SLC47A2: variants seen among roughly 807,000 people sequenced by gnomAD.
The protein encoded by SLC47A2 is solute carrier family 47 member 2.
Under a neutral mutation model 67.7 loss-of-function variants are expected in SLC47A2, and 52 were observed. That is an observed-to-expected ratio of 0.77 (90% CI 0.61 to 0.97). The LOEUF is 0.97. SLC47A2 is among the 50% of genes least tolerant of loss of function. The probability of loss-of-function intolerance (pLI) is 0.00; values close to 1 mark genes in which losing one functional copy is unlikely to be tolerated. For missense variants in SLC47A2, 676 were observed against 712.3 expected, an observed-to-expected ratio of 0.95 and a Z score of 0.58; for synonymous variants, 278 against 292.9, an observed-to-expected ratio of 0.95 and a Z score of 0.52.
At chr17:19,690,375 G>A (rs2085513872) in intron 13 of SLC47A2, among the ~76,000 whole-genome samples, 1 of 152,086 alleles carries the variant, frequency 6.6e-6, no homozygotes, top group African/African-American at 2.4e-5. Flanking sequence ...AAGATTTCTT[G>A]AATAATACCC....
chr17:19,680,155 T>C (rs2085282476), intron 15 of SLC47A2, 116 bp from the exon 16 acceptor site: 2 of 946,932 alleles, frequency 2.1e-6, no homozygotes, highest in African/African-American at 3.3e-5. Context: ...CATATATGCA[T>C]GTATTCATAG....
Position 19,685,391 on chromosome 17 carries a change from G to C in SLC47A2, c.1165-3721C>G, listed in dbSNP as rs2152340261. 1.3e-5 allele frequency among the ~76,000 whole-genome samples: 2 copies of C among 152,176 alleles called. No individual in the cohort carries two copies. The highest frequency in any genetic ancestry group is 1.3e-4 in the Admixed American group (2 of 15,292). On this transcript the variant is annotated intron_variant, in intron 13 of 16. Coordinates refer to ENST00000433844, the MANE Select transcript of SLC47A2 (RefSeq NM_001099646.3). The surrounding 1 kb of genome is among the most constrained non-coding windows in gnomAD (Gnocchi z 4.5). ...TCTGCCTGGCTGCCACCACGTCTAG[G>C]AAGTGAGGAGCGTCTCTGCCTGGCC...
chr17:19,706,246 ACAAGG>A (rs2152353218), intron 9 of SLC47A2, among the ~76,000 whole-genome samples: 1 of 152,344 alleles, frequency 6.6e-6, no homozygotes, highest in South Asian at 2.1e-4. Context: ...ATGAGCACAC[ACAAGG>A]CAGCAGGTGG....
In SLC47A2 at chr17:19,716,567, G is replaced by A. The variant is rs1176873108; in HGVS notation, c.-12C>T. Reference sequence around the variant, plus strand: ...TGGAGGCTGTCCATTCCTGGCCGGGGCACTGGCTACCCTGCACGCCTGAGC... The same window carrying A: ...TGGAGGCTGTCCATTCCTGGCCGGGACACTGGCTACCCTGCACGCCTGAGC... On this transcript the variant is annotated 5_prime_UTR_variant, in exon 1 of 17. Coordinates refer to ENST00000433844, the MANE Select transcript of SLC47A2 (RefSeq NM_001099646.3). 1 of 1,593,610 alleles carries A rather than the reference G, an allele frequency of 6.3e-7. No individual in the cohort carries two copies. The highest frequency in any genetic ancestry group is 8.5e-7 in the Non-Finnish European group (1 of 1,171,226).
chr17:19,706,885 G>A, intron 8 of SLC47A2, 124 bp from the exon 9 acceptor site: 1 of 661,122 alleles, frequency 1.5e-6, no homozygotes, highest in Non-Finnish European at 2.5e-6. Flanking sequence ...GCAGGCTCAG[G>A]CACTGGGCAT....
chr17:19,686,464 G>A (rs779016180), intron 13 of SLC47A2, among the ~76,000 whole-genome samples: 7 of 152,042 alleles, frequency 4.6e-5, no homozygotes, highest in Admixed American at 2.0e-4. Flanking sequence ...TAATAACATC[G>A]AATGTAAATG....
intron 6 of SLC47A2, 127 bp downstream of exon 6, chr17:19,708,589 G>A (rs2086011148): frequency 6.3e-7 from 1 of 1,593,994 alleles, no homozygotes; most frequent in Non-Finnish European, 8.6e-7. Flanking sequence ...CAGGTGGGTT[G>A]GAAGTGACCC....
At chr17:19,689,790 G>T (rs893865705) in intron 13 of SLC47A2, among the ~76,000 whole-genome samples, 1 of 151,912 alleles carries the variant, frequency 6.6e-6, no homozygotes, top group Non-Finnish European at 1.5e-5. Context: ...ACAAAAAATG[G>T]ATATTCTATG....
At chr17:19,713,699 A>G in intron 4 of SLC47A2, 126 bp downstream of exon 4, 2 of 1,329,970 alleles carry the variant, frequency 1.5e-6, no homozygotes, top group Non-Finnish European at 2.0e-6. Flanking sequence ...ACCCACAGGC[A>G]CCGTGCACTG....
intron 11 of SLC47A2, among the ~76,000 whole-genome samples, 160 bp from the exon 12 acceptor site, chr17:19,703,327 G>A (rs760500480): frequency 2.0e-5 from 3 of 152,212 alleles, no homozygotes; most frequent in African/African-American, 2.4e-5. Flanking sequence ...CATCTGAGGC[G>A]TTCATTTGGG....
rs765225372 is a variant in SLC47A2 at position 19,703,147 on chromosome 17, C to T, written c.1039G>A (p.Gly347Ser). Residue 347 changes from glycine to serine, a missense_variant, in exon 12 of 17, where the codon GGC (glycine) becomes AGC (serine). By Grantham distance (56) the Gly-to-Ser change is moderately conservative. Coordinates refer to ENST00000433844, the MANE Select transcript of SLC47A2 (RefSeq NM_001099646.3). ...TTTTTCAGGATGCTTATCAGGGTGC[C>T]CAGGACCAGGGAAATGCCAACTGGA... is the stretch of plus-strand genomic sequence containing the variant. ...LSIVGISLVL[G>S]TLISILKNQL... The T allele has an allele frequency of 5.0e-6, 8 of 1,614,052 alleles. No individual in the cohort carries two copies. Among genetic ancestry groups the T allele is most frequent in the Non-Finnish European group, 6.8e-6 (8 of 1,180,016 alleles).
intron 13 of SLC47A2, among the ~76,000 whole-genome samples, chr17:19,694,966 T>G (rs945002423): frequency 4.0e-5 from 6 of 148,172 alleles, no homozygotes; most frequent in Non-Finnish European, 8.9e-5. Flanking sequence ...AGACTTAACA[T>G]TAAAACTTTT....
In SLC47A2 at chr17:19,681,421, A is replaced by T; in HGVS notation, c.1338T>A (p.Thr446=). Residue 446 remains threonine, a synonymous_variant, in exon 15 of 17, where the codon ACT becomes ACA. Transcript: ENST00000433844. ...GGGCAGTATAAGCAACAAAGGCAGC[A>T]GTTGCCAGGAAGACACAGGCCAGCA... ...LGMLACVFLA[T]AAFVAYTARL... is the part of the protein sequence containing the mutation. 6.2e-7 allele frequency: 1 copy of T among 1,613,744 alleles called. No homozygotes were observed. Among genetic ancestry groups the T allele is most frequent in the Non-Finnish European group, 8.5e-7 (1 of 1,179,846 alleles).
At chr17:19,704,805 C>A in intron 10 of SLC47A2, 1 of 614,404 alleles carries the variant, frequency 1.6e-6, no homozygotes, top group Non-Finnish European at 2.6e-6. Flanking sequence ...ATGTGGCCTG[C>A]TGCTCGATGG....
In SLC47A2 at chr17:19,678,558, C is replaced by CT. The variant is rs924465366; in HGVS notation, c.*127dup. The CT allele has an allele frequency of 4.0e-5, 38 of 946,636 alleles. No individual in the cohort carries two copies. The South Asian group carries it at 5.4e-4, about 14-fold the overall frequency. The allele number at this position is 946,636 out of a possible 1,614,324, so 58.6% of individuals were successfully genotyped here. The stretch of plus-strand genomic sequence containing the variant: ...TCACCACAAGGAATCAGCCAAAGTT[C>CT]TTTTTTTGAGGAGTGGTTCAAAGTG... On this transcript the variant is annotated 3_prime_UTR_variant, in exon 17 of 17. Coordinates refer to ENST00000433844, the MANE Select transcript of SLC47A2 (RefSeq NM_001099646.3).
At chr17:19,711,514 G>C (rs1408143760) in intron 5 of SLC47A2, among the ~76,000 whole-genome samples, 2 of 148,878 alleles carry the variant, frequency 1.3e-5, no homozygotes, top group Non-Finnish European at 3.0e-5. Context: ...GCTTGAATCT[G>C]GGAGGCAGAG....
intron 13 of SLC47A2, chr17:19,702,038 G>A: frequency 1.4e-6 from 1 of 718,188 alleles, no homozygotes; most frequent in Non-Finnish European, 1.7e-6. Flanking sequence ...GAGCTCAGGA[G>A]GTTGAGGCTG....
At chr17:19,701,895 C>T (rs931108082) in intron 13 of SLC47A2, among the ~76,000 whole-genome samples, 6 of 152,052 alleles carry the variant, frequency 3.9e-5, no homozygotes, top group African/African-American at 1.2e-4. Flanking sequence ...GGAAGGCCCA[C>T]CAGGAGAGGA....
At chr17:19,684,089 T>C (rs571299070) in intron 13 of SLC47A2, among the ~76,000 whole-genome samples, 5 of 152,260 alleles carry the variant, frequency 3.3e-5, no homozygotes, top group Admixed American at 3.3e-4. Context: ...TAAAACAATC[T>C]TTTTTAAGAG....
Sources: allele counts gnomAD v4.1 joint callset (sites outside exome capture counted in the v4.1 genomes callset), GRCh38; gene constraint gnomAD v4.1.1; non-coding constraint Gnocchi (gnomAD v3.1); transcripts MANE v1.5; gene names NCBI Gene and HGNC (gene_info 2026-07-23, HGNC 2026-07-21).